IL1R1: variants seen among roughly 807,000 people sequenced by gnomAD.
The protein encoded by IL1R1 is interleukin-1 receptor type 1.
IL1R1 carries 22 observed loss-of-function variants against 50.2 expected under a neutral mutation model. That is an observed-to-expected ratio of 0.44 (90% CI 0.31 to 0.63). The LOEUF (loss-of-function observed/expected upper bound fraction) is 0.63. Ranked by LOEUF, IL1R1 falls within the 20% of genes least tolerant of loss-of-function variation. IL1R1 has a pLI of 0.07. For missense variants in IL1R1, 509 were observed against 676.2 expected (o/e 0.75, Z 2.74); for synonymous variants, 251 against 236.7 (o/e 1.06, Z -0.55).
intron 1 of IL1R1, among the ~76,000 whole-genome samples, chr2:102,098,289 G>T (rs531983867): frequency 6.6e-6 from 1 of 152,220 alleles, no homozygotes; most frequent in East Asian, 1.9e-4. Flanking sequence ...AAACCTAGAA[G>T]TAAATCTTGT....
intron 1 of IL1R1, among the ~76,000 whole-genome samples, chr2:102,076,244 C>T (rs902293147): frequency 6.9e-6 from 1 of 144,780 alleles, no homozygotes; most frequent in Admixed American, 7.0e-5. Flanking sequence ...GTGGTGTGAT[C>T]TCGGCTCACT....
At chr2:102,075,526 A>C (rs1678920770) in intron 1 of IL1R1, among the ~76,000 whole-genome samples, 3 of 152,212 alleles carry the variant, frequency 2.0e-5, no homozygotes, top group Admixed American at 2.0e-4. Context: ...ACCTCTTTCC[A>C]AGGAGATTAG....
At position 102,157,859 on chromosome 2, in the gene IL1R1, T is replaced by C. The variant is rs1684337123; in HGVS notation, c.61+74T>C. On this transcript the variant is annotated intron_variant, in intron 3 of 11. Transcript: ENST00000410023. ...TTTAGAATACATGAAGTACCTTCCC[T>C]AACAGAGTCATTTCTCATACTCGTC... 2.1e-5 allele frequency: 20 copies of C among 960,994 alleles called. No homozygotes were observed. The Admixed American group carries it at 2.7e-4, about 13-fold the overall frequency. The allele number at this position is 960,994 out of a possible 1,614,324, so 59.5% of individuals were successfully genotyped here.
chr2:102,087,074 A>T lies in IL1R1; in HGVS notation c.-84+16541A>T, dbSNP rs1432378057. On this transcript the variant is annotated intron_variant, in intron 1 of 11. Transcript: ENST00000409929. ...TGGTTACCCATTGCATGTAAAAGTT[A>T]TGTTTACACTATACTGTAGTCTATT... 2.0e-5 allele frequency among the ~76,000 whole-genome samples: 3 copies of T among 152,238 alleles called. No individual in the cohort carries two copies. The East Asian group carries it at 5.8e-4, about 29-fold the overall frequency.
intron 1 of IL1R1, among the ~76,000 whole-genome samples, chr2:102,148,590 T>C (rs1346377295): frequency 1.3e-5 from 2 of 152,188 alleles, no homozygotes; most frequent in African/African-American, 4.8e-5. Context: ...TTTGCTCTAA[T>C]AGAAAAATAA....
chr2:102,159,896 C>G (rs1224224297), intron 3 of IL1R1, among the ~76,000 whole-genome samples: 1 of 152,176 alleles, frequency 6.6e-6, no homozygotes, highest in Non-Finnish European at 1.5e-5. Flanking sequence ...TATAAAGCTA[C>G]AAACCCTGCT....
At chr2:102,120,616 G>A (rs1251950795) in intron 1 of IL1R1, among the ~76,000 whole-genome samples, 1 of 152,118 alleles carries the variant, frequency 6.6e-6, no homozygotes, top group Non-Finnish European at 1.5e-5. Context: ...TAAAATGTGG[G>A]GCTCAGATGG....
chr2:102,165,080 A>G, intron 4 of IL1R1, 35 bp from the exon 5 acceptor site: 1 of 1,554,306 alleles, frequency 6.4e-7, no homozygotes, highest in African/African-American at 1.4e-5. Context: ...AATACTTTTA[A>G]TAATGCTTAA....
chr2:102,113,302 CT>C (rs1396439664), intron 1 of IL1R1, among the ~76,000 whole-genome samples: 1 of 152,210 alleles, frequency 6.6e-6, no homozygotes, highest in African/African-American at 2.4e-5. Context: ...AATTTGCCTT[CT>C]TTTATCCTTT....
intron 1 of IL1R1, among the ~76,000 whole-genome samples, chr2:102,084,539 A>G (rs1048437936): frequency 1.3e-5 from 2 of 152,212 alleles, no homozygotes; most frequent in African/African-American, 4.8e-5. Context: ...AATGAAGTAT[A>G]ATGCATACAC....
chr2:102,073,900 G>A (rs779413179), intron 1 of IL1R1, among the ~76,000 whole-genome samples: 6 of 151,982 alleles, frequency 3.9e-5, no homozygotes, highest in East Asian at 1.9e-4. Flanking sequence ...TAAAATGGAC[G>A]TCAACAATGC....
intron 1 of IL1R1, among the ~76,000 whole-genome samples, chr2:102,114,170 A>C (rs1389819844): frequency 6.6e-6 from 1 of 152,234 alleles, no homozygotes. Flanking sequence ...TAGTTTTTAA[A>C]AGAGATATGA....
rs1271295422 is a variant in IL1R1 at position 102,164,844 on chromosome 2, T to C, written c.132T>C (p.Cys44=). 6.2e-7 allele frequency: 1 copy of C among 1,614,098 alleles called. No homozygotes were observed. Among genetic ancestry groups the C allele is most frequent in the Non-Finnish European group, 8.5e-7 (1 of 1,179,966 alleles). Residue 44 remains cysteine (C), a synonymous_variant, in exon 4 of 12, where the codon TGT becomes TGC. Transcript: ENST00000410023. ...CAAATGAAATTGATGTTCGTCCCTG[T>C]CCTCTTAACCCAAATGAACACAAAG... The part of the protein sequence containing the change: ...SSANEIDVRP[C]PLNPNEHKGT...
Position 102,166,252 on chromosome 2 carries a change from TTACCCGGGTAATAGAA to T in IL1R1, c.628_643del (p.Thr210LeufsTer4), listed in dbSNP as rs1559503303. On this transcript the variant is annotated frameshift_variant, in exon 6 of 12. Transcript: ENST00000410023. LOFTEE classifies it high-confidence loss of function. ...ACATACTTGGGCAAGCAATATCCTA[TTACCCGGGTAATAGAA>T]TTTATTACTCTAGGTGAGTCATAGC... 1.9e-6 allele frequency: 3 copies of T among 1,613,418 alleles called. No homozygotes were observed. The African/African-American group carries it at 4.0e-5, about 22-fold the overall frequency.
chr2:102,115,058 CTGCATA>C (rs1680992251), intron 1 of IL1R1, among the ~76,000 whole-genome samples: 1 of 152,184 alleles, frequency 6.6e-6, no homozygotes, highest in South Asian at 2.1e-4. Context: ...TCAACCCTGG[CTGCATA>C]TTGGAATCAC....
intron 1 of IL1R1, among the ~76,000 whole-genome samples, chr2:102,120,478 A>G (rs1427640694): frequency 1.3e-5 from 2 of 152,278 alleles, no homozygotes; most frequent in South Asian, 2.1e-4. Flanking sequence ...CAGGAAAGGC[A>G]CAATTCCTGC....
chr2:102,129,874 T>C (rs1681933816), intron 1 of IL1R1, among the ~76,000 whole-genome samples: 1 of 152,168 alleles, frequency 6.6e-6, no homozygotes, highest in Non-Finnish European at 1.5e-5. Flanking sequence ...CCTGGTTAAT[T>C]CTATTGATAT....
In IL1R1 at chr2:102,175,947, A is replaced by G. The variant is rs1686095110; in HGVS notation, c.1303+302A>G. On this transcript the variant is annotated intron_variant, in intron 11 of 11. Coordinates refer to ENST00000410023, the MANE Select transcript of IL1R1 (RefSeq NM_000877.4). ...GTGGTAGAGATCAAATGATTGAATA[A>G]TAAGTTTTTAAAATTCCAACAAAGT... 4 of 500,816 alleles carry G rather than the reference A, an allele frequency of 8.0e-6. 1 individual carries two copies. The highest frequency in any genetic ancestry group is 1.4e-5 in the Non-Finnish European group (4 of 285,870). 31.0% of individuals were successfully genotyped at this position (500,816 alleles called of 1,614,324 possible). A position where few individuals can be genotyped will look rare whatever the true frequency, so the allele number is the denominator to read the frequency against.
Position 102,177,034 on chromosome 2 carries a change from A to G in IL1R1, c.*275A>G. Reference sequence around the variant, plus strand: ...TAATCCCAGCACTTTGGGAGGCTGAAGTGGGTGGATCACCAGAGGTCAGGA... The same window carrying G: ...TAATCCCAGCACTTTGGGAGGCTGAGGTGGGTGGATCACCAGAGGTCAGGA... On this transcript the variant is annotated 3_prime_UTR_variant, in exon 12 of 12. Coordinates refer to ENST00000410023, the MANE Select transcript of IL1R1 (RefSeq NM_000877.4). The G allele has an allele frequency of 2.8e-6, 1 of 356,782 alleles. No homozygotes were observed. Among genetic ancestry groups the G allele is most frequent in the Non-Finnish European group, 5.2e-6 (1 of 193,526 alleles). The allele number at this position is 356,782 out of a possible 1,614,324, so 22.1% of individuals were successfully genotyped here.
Sources: gnomAD v4.1 joint callset for allele counts (sites outside exome capture counted in the v4.1 genomes callset) on GRCh38, gnomAD v4.1.1 for gene constraint, MANE v1.5 for transcripts, NCBI Gene and HGNC (gene_info 2026-07-23, HGNC 2026-07-21) for gene names.